The following MDGA2 variants were observed in gnomAD, a reference collection of about 807,000 sequenced individuals.
MDGA2 encodes the protein MAM domain-containing glycosylphosphatidylinositol anchor protein 2.
A neutral mutation model predicts 117.8 loss-of-function variants in MDGA2; 40 were observed. The observed-to-expected ratio is 0.34, with a 90% CI of 0.26 to 0.44. MDGA2 has a LOEUF of 0.44. MDGA2 is among the 20% of genes least tolerant of loss of function. MDGA2 has a pLI of 1.00. For missense variants in MDGA2, 1,123 were observed against 1,250.6 expected, an observed-to-expected ratio of 0.90 and a Z score of 1.54; for synonymous variants, 452 against 439.0, an observed-to-expected ratio of 1.03 and a Z score of -0.37.
chr14:46,924,437 C>T, intron 9 of MDGA2, among the ~76,000 whole-genome samples: 1 of 152,086 alleles, frequency 6.6e-6, no homozygotes, highest in East Asian at 1.9e-4. Context: ...GTATATAATA[C>T]TGATCAAGAC....
At chr14:47,002,151 A>AT (rs1887554380) in intron 8 of MDGA2, among the ~76,000 whole-genome samples, 1 of 152,124 alleles carries the variant, frequency 6.6e-6, no homozygotes, top group Non-Finnish European at 1.5e-5. Flanking sequence ...AATAATAATT[A>AT]TAAAACAATG....
At chr14:47,096,766 T>C in intron 6 of MDGA2, 88 bp downstream of exon 6, 1 of 1,267,796 alleles carries the variant, frequency 7.9e-7, no homozygotes, top group Non-Finnish European at 1.1e-6. Flanking sequence ...ATGCAATATT[T>C]GAGGAGGTAA....
intron 1 of MDGA2, among the ~76,000 whole-genome samples, chr14:47,606,406 GTA>G (rs758420535): frequency 2.0e-5 from 3 of 152,108 alleles, no homozygotes; most frequent in African/African-American, 2.4e-5. Flanking sequence ...TTTTTAAATT[GTA>G]TCTATTGTGT....
chr14:47,136,197 C>CTTTTT (rs34818512), intron 4 of MDGA2, among the ~76,000 whole-genome samples: 1 of 131,038 alleles, frequency 7.6e-6, no homozygotes. Flanking sequence ...TGTTTTCTCT[C>CTTTTT]TTTTTTTTTT....
At chr14:47,545,075 A>G (rs921570254) in intron 1 of MDGA2, among the ~76,000 whole-genome samples, 1 of 152,222 alleles carries the variant, frequency 6.6e-6, no homozygotes, top group African/African-American at 2.4e-5. Flanking sequence ...ACCAAGTTCA[A>G]TATTTAAATG....
At chr14:47,655,478 G>A (rs1897725495) in intron 1 of MDGA2, among the ~76,000 whole-genome samples, 1 of 152,098 alleles carries the variant, frequency 6.6e-6, no homozygotes, top group Non-Finnish European at 1.5e-5. Context: ...CATCCTGTAA[G>A]AGAACCGAAT....
At chr14:47,165,400 G>C (rs975758569) in intron 3 of MDGA2, among the ~76,000 whole-genome samples, 1 of 152,194 alleles carries the variant, frequency 6.6e-6, no homozygotes, top group Non-Finnish European at 1.5e-5. Flanking sequence ...GAAAGTTTGA[G>C]GGGGAAAGAG....
intron 1 of MDGA2, among the ~76,000 whole-genome samples, chr14:47,429,925 T>C (rs55862063): frequency 0.064 from 9,586 of 148,712 alleles, 338 homozygotes; most frequent in Middle Eastern, 0.072. Context: ...AATCTGAAAA[T>C]TGACTGAAAA....
At chr14:47,573,002 G>GAAAC (rs1257005209) in intron 1 of MDGA2, among the ~76,000 whole-genome samples, 1 of 152,188 alleles carries the variant, frequency 6.6e-6, no homozygotes, top group African/African-American at 2.4e-5. Flanking sequence ...ATTATGCTAA[G>GAAAC]AAACAGACAA....
Position 47,674,797 on chromosome 14 carries a change from G to GCA in MDGA2, c.-3_-2dup, listed in dbSNP as rs761330416. 24 of 675,420 alleles carry GCA rather than the reference G, an allele frequency of 3.6e-5. No individual in the cohort carries two copies. Among genetic ancestry groups the GCA allele is most frequent in the African/African-American group, 7.2e-5 (4 of 55,418 alleles). 41.8% of individuals were successfully genotyped at this position (675,420 alleles called of 1,614,324 possible). ...GGAGCCCCGCACTCCACACACTCATGCACACACACACTCACACACACTCAC... is the reference window on the plus strand; with the variant it reads ...GGAGCCCCGCACTCCACACACTCATGCACACACACACACTCACACACACTCAC... On this transcript the variant is annotated 5_prime_UTR_variant, in exon 1 of 17. Coordinates refer to ENST00000399232, the MANE Select transcript of MDGA2 (RefSeq NM_001113498.3).
intron 1 of MDGA2, among the ~76,000 whole-genome samples, chr14:47,433,681 T>C (rs928669856): frequency 6.6e-5 from 10 of 152,160 alleles, no homozygotes; most frequent in African/African-American, 2.4e-4. Flanking sequence ...ATTTACATTG[T>C]TATTCCATGA....
intron 1 of MDGA2, among the ~76,000 whole-genome samples, chr14:47,436,161 T>C (rs747266257): frequency 1.3e-5 from 2 of 152,088 alleles, no homozygotes; most frequent in Non-Finnish European, 2.9e-5. Context: ...ACATCTCTGA[T>C]ATTCCCAGTG....
chr14:46,944,273 T>G (rs1885094662), intron 9 of MDGA2, among the ~76,000 whole-genome samples: 1 of 152,174 alleles, frequency 6.6e-6, no homozygotes, highest in East Asian at 1.9e-4. Flanking sequence ...TTTCAAAAGA[T>G]ATTTAAAGAT....
chr14:46,899,154 G>T (rs1235857171), intron 10 of MDGA2, among the ~76,000 whole-genome samples: 1 of 152,008 alleles, frequency 6.6e-6, no homozygotes, highest in Non-Finnish European at 1.5e-5. Flanking sequence ...CATTACTGAA[G>T]ATTTTTCCTC....
chr14:47,609,443 A>ACATG (rs1555336041), intron 1 of MDGA2, among the ~76,000 whole-genome samples: 1 of 90,388 alleles, frequency 1.1e-5, no homozygotes, highest in African/African-American at 4.7e-5. Flanking sequence ...ATATATATAT[A>ACATG]TATATATATA....
intron 1 of MDGA2, among the ~76,000 whole-genome samples, chr14:47,489,760 A>G (rs1566482023): frequency 6.6e-6 from 1 of 152,092 alleles, no homozygotes; most frequent in Non-Finnish European, 1.5e-5. Flanking sequence ...GTACTCAATG[A>G]AAGAGCTGGG....
intron 8 of MDGA2, 42 bp from the exon 9 acceptor site, chr14:46,957,685 G>A: frequency 6.2e-7 from 1 of 1,606,174 alleles, no homozygotes; most frequent in Non-Finnish European, 8.5e-7. Flanking sequence ...GATGTGACTT[G>A]CAATAAGCCA....
chr14:47,251,248 C>A (rs978395776), intron 2 of MDGA2, among the ~76,000 whole-genome samples: 5 of 152,126 alleles, frequency 3.3e-5, no homozygotes, highest in African/African-American at 1.2e-4. Context: ...TGGAAAATTT[C>A]CCTTTTATCT....
At chr14:47,625,111 A>T (rs574622930) in intron 1 of MDGA2, among the ~76,000 whole-genome samples, 3 of 152,314 alleles carry the variant, frequency 2.0e-5, no homozygotes, top group African/African-American at 7.2e-5. Context: ...TTGTATAGGT[A>T]GTAAGTGACA....
Sources: allele counts gnomAD v4.1 joint callset (sites outside exome capture counted in the v4.1 genomes callset), GRCh38; gene constraint gnomAD v4.1.1; transcripts MANE v1.5; gene names NCBI Gene and HGNC (gene_info 2026-07-23, HGNC 2026-07-21).